Variants in LTBP1 observed in about 807,000 individuals in gnomAD.
LTBP1 encodes the protein latent transforming growth factor beta binding protein 1.
In LTBP1, 129 loss-of-function variants were observed where a neutral mutation model predicts 207.6. The observed-to-expected ratio is 0.62, with a 90% CI of 0.54 to 0.72. The LOEUF (loss-of-function observed/expected upper bound fraction) is 0.72. Ranked by LOEUF, LTBP1 falls within the 30% of genes least tolerant of loss-of-function variation. The pLI, the probability that LTBP1 is intolerant of heterozygous loss-of-function variation, is 0.00. For missense variants in LTBP1, 2,281 were observed against 2,217.2 expected (o/e 1.03, Z -0.58); for synonymous variants, 963 against 833.7 (o/e 1.16, Z -2.67).
At chr2:33,392,880 T>C (rs1002020172) in intron 32 of LTBP1, among the ~76,000 whole-genome samples, 6 of 151,462 alleles carry the variant, frequency 4.0e-5, no homozygotes, top group Non-Finnish European at 8.9e-5. Context: ...GGTGTCACTT[T>C]TTTTTTTTTT....
At chr2:33,148,202 T>G (rs2083208172) in intron 5 of LTBP1, among the ~76,000 whole-genome samples, 2 of 152,240 alleles carry the variant, frequency 1.3e-5, no homozygotes, top group African/African-American at 2.4e-5. Flanking sequence ...CTTATTCTTG[T>G]TAAGCCCTAC....
chr2:33,382,074 CTTTTTTTTTTTTTTTT>C (rs70938398), intron 31 of LTBP1, among the ~76,000 whole-genome samples: 240 of 46,768 alleles, frequency 5.1e-3, no homozygotes, highest in African/African-American at 0.015. Flanking sequence ...CCTACTGCTT[CTTTTTTTTTTTTTTTT>C]TTTTTTTTTT....
chr2:33,193,282 C>T (rs1391806764), intron 7 of LTBP1, among the ~76,000 whole-genome samples: 1 of 152,142 alleles, frequency 6.6e-6, no homozygotes, highest in Admixed American at 6.5e-5. Context: ...GCTGGAATTA[C>T]AGGTGTGCAC....
chr2:33,133,874 C>T (rs964194458), intron 4 of LTBP1, among the ~76,000 whole-genome samples: 1 of 152,132 alleles, frequency 6.6e-6, no homozygotes, highest in Non-Finnish European at 1.5e-5. Flanking sequence ...GGAGTCACAC[C>T]GTGGTTGAGC....
At chr2:33,207,814 T>A (rs2089995074) in intron 7 of LTBP1, among the ~76,000 whole-genome samples, 1 of 152,234 alleles carries the variant, frequency 6.6e-6, no homozygotes, top group South Asian at 2.1e-4. Context: ...TAAAGAGTGT[T>A]CATGAGATTT....
At chr2:33,327,134 A>G (rs997937935) in intron 24 of LTBP1, among the ~76,000 whole-genome samples, 6 of 152,170 alleles carry the variant, frequency 3.9e-5, no homozygotes, top group African/African-American at 1.4e-4. Context: ...TCAGTGGTTC[A>G]GATAGACTCT....
intron 3 of LTBP1, among the ~76,000 whole-genome samples, chr2:33,046,812 G>T (rs1402160368): frequency 6.6e-6 from 1 of 152,154 alleles, no homozygotes; most frequent in Non-Finnish European, 1.5e-5. Context: ...TCTATTCAGG[G>T]ATTTGACTTC....
At chr2:33,181,050 T>C (rs1452091326) in intron 5 of LTBP1, among the ~76,000 whole-genome samples, 1 of 152,196 alleles carries the variant, frequency 6.6e-6, no homozygotes, top group African/African-American at 2.4e-5. Flanking sequence ...GAGGTTTGTT[T>C]TCCCTGCTCT....
At chr2:33,277,385 A>G (rs1393007274) in intron 18 of LTBP1, among the ~76,000 whole-genome samples, 2 of 152,142 alleles carry the variant, frequency 1.3e-5, no homozygotes, top group Non-Finnish European at 2.9e-5. Flanking sequence ...TCCTCTGCTG[A>G]AGAGATGCAG....
intron 2 of LTBP1, among the ~76,000 whole-genome samples, chr2:32,973,665 G>T (rs1681271518): frequency 6.6e-6 from 1 of 152,076 alleles, no homozygotes; most frequent in African/African-American, 2.4e-5. Context: ...ACCCTATTGT[G>T]CTATCAGACA....
chr2:33,386,047 C>A (rs1249976496), intron 31 of LTBP1, among the ~76,000 whole-genome samples: 1 of 152,158 alleles, frequency 6.6e-6, no homozygotes, highest in East Asian at 1.9e-4. Flanking sequence ...CAACCCATTA[C>A]CCTCCACTGC....
At chr2:33,096,932 G>T (rs190266884) in intron 3 of LTBP1, among the ~76,000 whole-genome samples, 44 of 152,310 alleles carry the variant, frequency 2.9e-4, no homozygotes, top group Non-Finnish European at 5.4e-4. Flanking sequence ...GGTGGTGGTG[G>T]TGGTTTTCTA....
intron 3 of LTBP1, among the ~76,000 whole-genome samples, chr2:33,082,479 C>G (rs546913971): frequency 1.8e-5 from 2 of 108,692 alleles, no homozygotes; most frequent in African/African-American, 7.1e-5. Flanking sequence ...GAAGGAGTCT[C>G]GCTCTGTTGC....
chr2:33,124,665 GT>G (rs1299216124), intron 4 of LTBP1, among the ~76,000 whole-genome samples: 2 of 152,234 alleles, frequency 1.3e-5, no homozygotes, highest in Non-Finnish European at 2.9e-5. Context: ...TTGCTGTGTA[GT>G]ATATCATGGT....
At chr2:33,311,153 T>C (rs907276916) in intron 23 of LTBP1, among the ~76,000 whole-genome samples, 2 of 152,126 alleles carry the variant, frequency 1.3e-5, no homozygotes, top group African/African-American at 4.8e-5. Flanking sequence ...TATATATCTA[T>C]ATTACCGGTC....
At chr2:33,102,595 G>A (rs893085299) in intron 3 of LTBP1, among the ~76,000 whole-genome samples, 2 of 151,292 alleles carry the variant, frequency 1.3e-5, no homozygotes, top group African/African-American at 2.4e-5. Context: ...TCATTTAGTC[G>A]AAGACAATTT....
Position 33,398,503 on chromosome 2 carries a change from GA to G in LTBP1, c.5126del (p.Asn1709IlefsTer4). The G allele has an allele frequency of 6.2e-7, 1 of 1,614,182 alleles. No homozygotes were observed. The highest frequency in any genetic ancestry group is 8.5e-7 in the Non-Finnish European group (1 of 1,180,008). ...ACAAGCCAAACTACTGCACTCCGTTGAATACCGCCTTGAATTTAGAGAAAGA... is the reference window on the plus strand; with the variant it reads ...ACAAGCCAAACTACTGCACTCCGTTGATACCGCCTTGAATTTAGAGAAAGA... Reference protein sequence around the residue: ...SDKPNYCTPLNTALNLEKDSD... With the variant: ...SDKPNYCTPLXTALNLEKDSD... On this transcript the variant is annotated frameshift_variant, in exon 34 of 34. Coordinates refer to ENST00000404816, the MANE Select transcript of LTBP1 (RefSeq NM_206943.4). LOFTEE classifies it high-confidence loss of function.
chr2:33,239,759 C>G (rs982320001), intron 9 of LTBP1, among the ~76,000 whole-genome samples: 170 of 148,058 alleles, frequency 1.1e-3, no homozygotes, highest in African/African-American at 4.1e-3. Flanking sequence ...AAAAAATTAG[C>G]TGGGCATGGT....
At chr2:33,166,811 C>A (rs1215149312) in intron 5 of LTBP1, among the ~76,000 whole-genome samples, 1 of 152,190 alleles carries the variant, frequency 6.6e-6, no homozygotes, top group Admixed American at 6.5e-5. Context: ...GTTGGCTCAT[C>A]TCATCAGTCA....
Sources: gnomAD v4.1 joint callset for allele counts (sites outside exome capture counted in the v4.1 genomes callset) on GRCh38, gnomAD v4.1.1 for gene constraint, MANE v1.5 for transcripts, NCBI Gene and HGNC (gene_info 2026-07-23, HGNC 2026-07-21) for gene names.